WDR86: variants seen among roughly 807,000 people sequenced by gnomAD.
WDR86 encodes WD repeat-containing protein 86.
A neutral mutation model predicts 36.5 loss-of-function variants in WDR86; 30 were observed. The observed-to-expected ratio is 0.82, with a 90% CI of 0.61 to 1.11. The LOEUF is 1.11. WDR86 is among the 50% of genes most tolerant of loss of function. WDR86 has a pLI of 0.00. For missense variants in WDR86, 545 were observed against 561.2 expected (o/e 0.97, Z 0.29); for synonymous variants, 255 against 252.9 (o/e 1.01, Z -0.08).
rs903949810 is a variant in WDR86, at chr7:151,409,603, C to T, written c.-14G>A. ...GCCGCCCCCCATCCCGCTGGCAGGGCGGGGAACAAGAAGGAGCTGCGCCCC... is the reference window on the plus strand; with the variant it reads ...GCCGCCCCCCATCCCGCTGGCAGGGTGGGGAACAAGAAGGAGCTGCGCCCC... On this transcript the variant is annotated 5_prime_UTR_variant, in exon 1 of 6. Coordinates refer to ENST00000334493, the MANE Select transcript of WDR86 (RefSeq NM_198285.3). The surrounding 1 kb of genome is among the most constrained non-coding windows in gnomAD (Gnocchi z 5.2). The T allele has an allele frequency of 3.4e-5, 47 of 1,374,390 alleles. No individual in the cohort carries two copies. In the African/African-American group the frequency reaches 5.3e-4, roughly 16 times the overall value. The allele number at this position is 1,374,390 out of a possible 1,614,324, so 85.1% of individuals were successfully genotyped here.
rs190563849 is a variant in WDR86 at position 151,405,255 on chromosome 7, C to G, written c.163+4172G>C. 1.4e-3 allele frequency among the ~76,000 whole-genome samples: 219 copies of G among 151,886 alleles called. 3 individuals are homozygous for G. In the East Asian group the frequency reaches 0.035, roughly 24 times the overall value. On this transcript the variant is annotated intron_variant, in intron 1 of 5. Transcript: ENST00000334493. The surrounding 1 kb of genome is among the most constrained non-coding windows in gnomAD (Gnocchi z 4.7). ...CAAGTGGGAGCCGCAGCTGGAGACT[C>G]TAGGTCAGGATATGTTCCCCTCCCC...
At chr7:151,370,253 T>C in the WDR86 span, among the ~76,000 whole-genome samples, 3 of 152,134 alleles carry the variant, frequency 2.0e-5, no homozygotes, top group African/African-American at 7.2e-5. Context: ...CGCCCAGCTT[T>C]ACTTTTTGTA....
intron 3 of WDR86, among the ~76,000 whole-genome samples, chr7:151,387,228 T>A (rs1263486686): frequency 2.0e-5 from 3 of 152,138 alleles, no homozygotes; most frequent in Non-Finnish European, 2.9e-5. Context: ...GCTCAGCCCC[T>A]GCACCAAGGA....
At position 151,409,258 on chromosome 7, in the gene WDR86, G is replaced by A; in HGVS notation, c.163+169C>T. On this transcript the variant is annotated intron_variant, in intron 1 of 5. Coordinates refer to ENST00000334493, the MANE Select transcript of WDR86 (RefSeq NM_198285.3). The surrounding 1 kb of genome is among the most constrained non-coding windows in gnomAD (Gnocchi z 5.2). ...CCCAGACCTCACCCTGCCCTGCCGT[G>A]CGCTCAACAGCCAGATGCTGGGCCC... 2 of 1,175,516 alleles carry A rather than the reference G, an allele frequency of 1.7e-6. No homozygotes were observed. Among genetic ancestry groups the A allele is most frequent in the South Asian group, 1.5e-5 (1 of 67,382 alleles). 72.8% of individuals were successfully genotyped at this position (1,175,516 alleles called of 1,614,324 possible).
chr7:151,385,434 C>A, intron 3 of WDR86: 1 of 827,508 alleles, frequency 1.2e-6, no homozygotes, highest in Non-Finnish European at 1.8e-6. Context: ...GCCAGTGCTC[C>A]AACAGGGCTG....
At chr7:151,399,118 G>A (rs1800100319) in intron 2 of WDR86, among the ~76,000 whole-genome samples, 2 of 152,184 alleles carry the variant, frequency 1.3e-5, no homozygotes, top group Admixed American at 1.3e-4. Flanking sequence ...CCTTGTGTCT[G>A]CATATACCCC....
intron 1 of WDR86, among the ~76,000 whole-genome samples, chr7:151,403,742 C>G (rs1005890546): frequency 1.3e-5 from 2 of 152,108 alleles, no homozygotes; most frequent in African/African-American, 4.8e-5. Flanking sequence ...TTTTGCCAAC[C>G]CCAGAGGGTT....
chr7:151,384,696 T>C (rs923333303), intron 4 of WDR86, among the ~76,000 whole-genome samples: 4 of 152,214 alleles, frequency 2.6e-5, no homozygotes, highest in Non-Finnish European at 5.9e-5. Flanking sequence ...CACAGCTACC[T>C]GGATTTTCTC....
downstream of WDR86, among the ~76,000 whole-genome samples, chr7:151,375,502 C>T (rs532804778): frequency 4.6e-4 from 70 of 152,326 alleles, no homozygotes; most frequent in African/African-American, 1.4e-3. Context: ...GAGGGCATGA[C>T]GCTTTCAAAG....
intron 2 of WDR86, among the ~76,000 whole-genome samples, chr7:151,398,360 GTA>G (rs1262169981): frequency 1.3e-5 from 2 of 152,024 alleles, no homozygotes; most frequent in African/African-American, 4.8e-5. Flanking sequence ...TGTATGTTGT[GTA>G]TGTGTGCACA....
downstream of WDR86, chr7:151,378,204 C>T (rs1798398018): frequency 6.6e-6 from 1 of 152,216 alleles, no homozygotes; most frequent in South Asian, 2.1e-4. Flanking sequence ...AGTGGGAGTT[C>T]CTTCCAGCCC....
rs78785551 is a variant in WDR86 at position 151,405,795 on chromosome 7, C to T, written c.163+3632G>A. Among the ~76,000 whole-genome samples, 5,202 of 152,258 alleles carry T rather than the reference C, an allele frequency of 0.034. 180 individuals are homozygous for T. The highest frequency in any genetic ancestry group is 0.2 in the East Asian group (1,016 of 5,160). ...CTTCACAGGGAGTCTCCTATGCCAC[C>T]GGCTCCCAGCAAATGGGAATGTGGG... On this transcript the variant is annotated intron_variant, in intron 1 of 5. Transcript: ENST00000334493. The surrounding 1 kb of genome is among the most constrained non-coding windows in gnomAD (Gnocchi z 4.7).
intron 1 of WDR86, chr7:151,408,870 C>A (rs1159448005): frequency 4.3e-6 from 2 of 467,902 alleles, no homozygotes; most frequent in Non-Finnish European, 8.9e-6. Flanking sequence ...ACTGGCTGTG[C>A]GACCTGGGCG....
intron 4 of WDR86, 96 bp downstream of exon 4, chr7:151,384,992 C>A: frequency 7.4e-7 from 1 of 1,349,686 alleles, no homozygotes; most frequent in Non-Finnish European, 1.0e-6. Context: ...GATTGGCAGC[C>A]AAGGCTCAAT....
chr7:151,373,864 A>G (rs1290154014), downstream of WDR86, among the ~76,000 whole-genome samples: 2 of 151,980 alleles, frequency 1.3e-5, no homozygotes, highest in Non-Finnish European at 2.9e-5. Flanking sequence ...TTCCTGCCCC[A>G]CGGGCATCTC....
intron 4 of WDR86, 23 bp from the exon 5 acceptor site, chr7:151,382,004 G>GGGCCTCCCTCCCTGCTC: frequency 6.4e-7 from 1 of 1,573,914 alleles, no homozygotes; most frequent in Non-Finnish European, 8.6e-7. Context: ...AGCGCGCGCT[G>GGGCCTCCCTCCCTGCTC]GGCCTCCCTC....
chr7:151,379,726 C>T (rs531117695), downstream of WDR86, among the ~76,000 whole-genome samples: 3 of 152,306 alleles, frequency 2.0e-5, no homozygotes, highest in South Asian at 4.1e-4. Flanking sequence ...GGTCCATGCC[C>T]CACTGGGTTT....
At chr7:151,396,550 A>G (rs970672243) in intron 2 of WDR86, among the ~76,000 whole-genome samples, 1 of 152,102 alleles carries the variant, frequency 6.6e-6, no homozygotes, top group Non-Finnish European at 1.5e-5. Context: ...GTGGGGGGGA[A>G]GGTAGGGGAG....
downstream of WDR86, among the ~76,000 whole-genome samples, chr7:151,372,104 G>A (rs558050066): frequency 1.3e-5 from 2 of 152,294 alleles, no homozygotes; most frequent in South Asian, 2.1e-4. Flanking sequence ...CTGTAGAAAC[G>A]GAGCTCACAG....
Sources: gnomAD v4.1 joint callset for allele counts (sites outside exome capture counted in the v4.1 genomes callset) on GRCh38, gnomAD v4.1.1 for gene constraint, Gnocchi (gnomAD v3.1) non-coding constraint, MANE v1.5 for transcripts, NCBI Gene and HGNC (gene_info 2026-07-23, HGNC 2026-07-21) for gene names.